The following PIEZO2 variants were observed in gnomAD, a reference collection of about 807,000 sequenced individuals.
The protein encoded by PIEZO2 is piezo-type mechanosensitive ion channel component 2.
In PIEZO2, 172 loss-of-function variants were observed where a neutral mutation model predicts 337.3. That is an observed-to-expected ratio of 0.51 (90% confidence interval 0.45 to 0.58). The LOEUF (loss-of-function observed/expected upper bound fraction) is 0.58. Among genes scored for constraint, PIEZO2 ranks in the 20% least tolerant of loss-of-function variants. PIEZO2 has a pLI of 0.00. For synonymous variants in PIEZO2, 1,251 were observed against 1,228.5 expected (o/e 1.02, Z -0.38); for missense variants, 3,028 against 3,391.3 (o/e 0.89, Z 2.66).
At chr18:10,963,723 G>A (rs2033885737) in intron 3 of PIEZO2, among the ~76,000 whole-genome samples, 3 of 152,236 alleles carry the variant, frequency 2.0e-5, no homozygotes, top group Admixed American at 1.3e-4. Context: ...TTATGGTTTG[G>A]TATTAAGACA....
chr18:10,787,969 T>C (rs2039280878), intron 15 of PIEZO2, among the ~76,000 whole-genome samples: 3 of 152,210 alleles, frequency 2.0e-5, no homozygotes, highest in Admixed American at 6.5e-5. Flanking sequence ...TATACATATA[T>C]ATATATGTAC....
chr18:10,779,918 G>A (rs1457418957), intron 18 of PIEZO2, among the ~76,000 whole-genome samples: 1 of 152,206 alleles, frequency 6.6e-6, no homozygotes, highest in Non-Finnish European at 1.5e-5. Flanking sequence ...CGGAGGTTCA[G>A]AGGGAAGGCG....
At chr18:10,848,111 G>A (rs1288675876) in intron 7 of PIEZO2, among the ~76,000 whole-genome samples, 2 of 152,168 alleles carry the variant, frequency 1.3e-5, no homozygotes, top group South Asian at 2.1e-4. Flanking sequence ...GGGTGCAAAA[G>A]TACATTCATT....
chr18:10,725,489 G>A, intron 36 of PIEZO2: 12 of 1,494,728 alleles, frequency 8.0e-6, no homozygotes, highest in Non-Finnish European at 1.1e-5. Context: ...GGGTGGATGG[G>A]TAGGCATGAA....
chr18:10,697,540 C>T (rs1394225954), intron 45 of PIEZO2, among the ~76,000 whole-genome samples: 1 of 152,124 alleles, frequency 6.6e-6, no homozygotes, highest in Non-Finnish European at 1.5e-5. Context: ...AAAGCATGTG[C>T]ATAAATGCAA....
Position 11,035,210 on chromosome 18 carries a change from G to A in PIEZO2, c.160+30917C>T, listed in dbSNP as rs1011630140. Among the ~76,000 whole-genome samples, 7 of 152,152 alleles carry A rather than the reference G, an allele frequency of 4.6e-5. No individual in the cohort carries two copies. Among genetic ancestry groups the A allele is most frequent in the African/African-American group, 1.7e-4 (7 of 41,436 alleles). ...TGTGATCCCCAATATTGGACATGGG[G>A]CCTGGTGGGAGGTGTTTGGTCCCAG... On this transcript the variant is annotated intron_variant, in intron 2 of 55. Coordinates refer to ENST00000674853, the MANE Select transcript of PIEZO2 (RefSeq NM_001378183.1). The surrounding 1 kb of genome is among the most constrained non-coding windows in gnomAD (Gnocchi z 4.3).
At chr18:10,882,044 C>T (rs554642498) in intron 4 of PIEZO2, among the ~76,000 whole-genome samples, 10 of 152,320 alleles carry the variant, frequency 6.6e-5, no homozygotes, top group African/African-American at 1.4e-4. Flanking sequence ...CTCTTTTACA[C>T]GTATCCTAAT....
In PIEZO2 at chr18:10,945,835, G is replaced by T. The variant is rs75497451; in HGVS notation, c.286+33700C>A. 2.5e-3 allele frequency among the ~76,000 whole-genome samples: 373 copies of T among 152,200 alleles called. 5 individuals are homozygous for T. Among genetic ancestry groups the T allele is most frequent in the African/African-American group, 8.9e-3 (368 of 41,540 alleles). On this transcript the variant is annotated intron_variant, in intron 3 of 55. Coordinates refer to ENST00000674853, the MANE Select transcript of PIEZO2 (RefSeq NM_001378183.1). This position sits in a 1 kb window ranked among gnomAD's most constrained non-coding sequence, Gnocchi z 4.0. ...AGAGAAGACATCAAAAGAAAAAATT[G>T]GACTTCTTGAGATAATAACTATAAT... is the stretch of plus-strand genomic sequence containing the variant.
rs930734542 is a variant in PIEZO2 at position 10,677,554 on chromosome 18, A to C, written c.8081+193T>G. The C allele has an allele frequency of 3.6e-6, 2 of 563,090 alleles. No individual in the cohort carries two copies. The highest frequency in any genetic ancestry group is 5.9e-6 in the Non-Finnish European group (2 of 337,718). The allele number at this position is 563,090 out of a possible 1,614,324, so 34.9% of individuals were successfully genotyped here. A position where few individuals can be genotyped will look rare whatever the true frequency, so the allele number is the denominator to read the frequency against. On this transcript the variant is annotated intron_variant, in intron 53 of 55. Transcript: ENST00000674853. The surrounding 1 kb of genome is among the most constrained non-coding windows in gnomAD (Gnocchi z 4.1). ...TTGGAACATAGACATAACCCTGGGG[A>C]CAGTGGACAGAAAACTCCATAGCTG...
At chr18:10,977,167 GA>G (rs2034476991) in intron 3 of PIEZO2, among the ~76,000 whole-genome samples, 1 of 151,890 alleles carries the variant, frequency 6.6e-6, no homozygotes, top group Admixed American at 6.6e-5. Flanking sequence ...TAGAATTATG[GA>G]AAATCATCAA....
intron 3 of PIEZO2, among the ~76,000 whole-genome samples, chr18:10,978,767 T>C (rs1032771485): frequency 2.0e-5 from 3 of 152,204 alleles, no homozygotes; most frequent in African/African-American, 7.2e-5. Context: ...GTTAAAACTG[T>C]TATTACAGTC....
chr18:10,894,218 C>T lies in PIEZO2; in HGVS notation c.329+16968G>A, dbSNP rs1460549915. On this transcript the variant is annotated intron_variant, in intron 4 of 55. Transcript: ENST00000674853. This position sits in a 1 kb window ranked among gnomAD's most constrained non-coding sequence, Gnocchi z 4.1. ...CTGTAATCCCAGCACTCTGGAAGGCCGATGGGGGCGGATCACCTGAGGTCA... is the reference window on the plus strand; with the variant it reads ...CTGTAATCCCAGCACTCTGGAAGGCTGATGGGGGCGGATCACCTGAGGTCA... Among the ~76,000 whole-genome samples the T allele has an allele frequency of 1.3e-5, 2 of 151,982 alleles. No individual in the cohort carries two copies. Among genetic ancestry groups the T allele is most frequent in the Non-Finnish European group, 2.9e-5 (2 of 67,992 alleles).
At chr18:10,745,361 A>G (rs1435620511) in intron 30 of PIEZO2, among the ~76,000 whole-genome samples, 3 of 152,116 alleles carry the variant, frequency 2.0e-5, no homozygotes, top group Admixed American at 2.0e-4. Flanking sequence ...AAAAAAACGA[A>G]AAAGAAAACC....
intron 33 of PIEZO2, 62 bp from the exon 34 acceptor site, chr18:10,736,772 TA>T (rs756762694): frequency 4.0e-6 from 6 of 1,486,760 alleles, no homozygotes; most frequent in Non-Finnish European, 3.6e-6. Context: ...GGGGGCTTAT[TA>T]ATGAAATGTC....
chr18:10,891,240 C>T lies in PIEZO2; in HGVS notation c.330-19825G>A, dbSNP rs575524442. ...TTGGGAGACTGAGGCAGGAGAATCA[C>T]TTGAACCCGGGAGGCAGAGGTTGCA... On this transcript the variant is annotated intron_variant, in intron 4 of 55. Transcript: ENST00000674853. Among the ~76,000 whole-genome samples, 11 of 152,272 alleles carry T rather than the reference C, an allele frequency of 7.2e-5. No homozygotes were observed. The East Asian group carries it at 2.1e-3, about 29-fold the overall frequency.
intron 3 of PIEZO2, among the ~76,000 whole-genome samples, chr18:10,936,137 C>T (rs1488299652): frequency 2.0e-5 from 3 of 152,190 alleles, no homozygotes; most frequent in East Asian, 1.9e-4. Flanking sequence ...GGGCTGTGAG[C>T]TTGCATCTGC....
chr18:11,084,810 C>G (rs1252108765), intron 1 of PIEZO2, among the ~76,000 whole-genome samples: 1 of 152,196 alleles, frequency 6.6e-6, no homozygotes, highest in Non-Finnish European at 1.5e-5. Flanking sequence ...CCAGGATCAG[C>G]TTTCTAGTAC....
chr18:10,736,182 TA>T (rs2036986244), intron 34 of PIEZO2, among the ~76,000 whole-genome samples: 1 of 152,236 alleles, frequency 6.6e-6, no homozygotes, highest in Non-Finnish European at 1.5e-5. Flanking sequence ...AAGCAACATT[TA>T]AATGATCATT....
chr18:10,925,815 G>C (rs919038224), intron 3 of PIEZO2, among the ~76,000 whole-genome samples: 3 of 152,130 alleles, frequency 2.0e-5, no homozygotes, highest in African/African-American at 4.8e-5. Flanking sequence ...TGATCTGCCC[G>C]CCTCAGCCTC....
Sources: allele counts gnomAD v4.1 joint callset (sites outside exome capture counted in the v4.1 genomes callset), GRCh38; gene constraint gnomAD v4.1.1; non-coding constraint Gnocchi (gnomAD v3.1); transcripts MANE v1.5; gene names NCBI Gene and HGNC (gene_info 2026-07-23, HGNC 2026-07-21).